Variants in SCFD2 observed in about 807,000 individuals in gnomAD.
SCFD2 encodes sec1 family domain-containing protein 2.
A neutral mutation model predicts 58.9 loss-of-function variants in SCFD2; 54 were observed. The ratio of observed to expected loss-of-function variants is 0.92; its 90% confidence interval spans 0.74 to 1.15. SCFD2 has a LOEUF of 1.15. SCFD2 is among the 50% of genes most tolerant of loss of function. The pLI, the probability that SCFD2 is intolerant of heterozygous loss-of-function variation, is 0.00. For synonymous variants in SCFD2, 321 were observed against 335.9 expected, an observed-to-expected ratio of 0.96 and a Z score of 0.49; for missense variants, 805 against 836.6, an observed-to-expected ratio of 0.96 and a Z score of 0.47.
chr4:53,222,161 T>A (rs1729065722), intron 4 of SCFD2, among the ~76,000 whole-genome samples: 1 of 152,206 alleles, frequency 6.6e-6, no homozygotes, highest in African/African-American at 2.4e-5. Flanking sequence ...CACCCTCACC[T>A]TTGTTTTTCT....
chr4:52,974,280 C>CA (rs1577872268), intron 5 of SCFD2, among the ~76,000 whole-genome samples: 1 of 152,156 alleles, frequency 6.6e-6, no homozygotes, highest in East Asian at 1.9e-4. Flanking sequence ...CCCATCGTCT[C>CA]AGCCCAAAAT....
rs141102450 is a variant in SCFD2 at position 52,994,720 on chromosome 4, G to T, written c.1562-73850C>A. 3.9e-3 allele frequency among the ~76,000 whole-genome samples: 593 copies of T among 152,288 alleles called. 3 individuals are homozygous for T. The highest frequency in any genetic ancestry group is 0.013 in the African/African-American group (559 of 41,552). On this transcript the variant is annotated intron_variant, in intron 5 of 8. Transcript: ENST00000401642. Reference sequence around the variant, plus strand: ...TTGTGAGACTCCACGCAGCAATTTAGACAGACACTGACATAGTTTCTGTCC... The same window carrying T: ...TTGTGAGACTCCACGCAGCAATTTATACAGACACTGACATAGTTTCTGTCC...
At chr4:53,104,304 C>A (rs999291486) in intron 5 of SCFD2, among the ~76,000 whole-genome samples, 1 of 152,148 alleles carries the variant, frequency 6.6e-6, no homozygotes, top group Non-Finnish European at 1.5e-5. Context: ...TGCAGTCTTT[C>A]TCCCCAAAAT....
intron 8 of SCFD2, among the ~76,000 whole-genome samples, chr4:52,883,633 G>A (rs1222342856): frequency 1.3e-5 from 2 of 152,162 alleles, no homozygotes; most frequent in East Asian, 1.9e-4. Flanking sequence ...TAACATGTCT[G>A]TCAGGCTATT....
chr4:52,977,691 G>A (rs1053261686), intron 5 of SCFD2, among the ~76,000 whole-genome samples: 1 of 152,168 alleles, frequency 6.6e-6, no homozygotes. Context: ...TCGTGCTCTA[G>A]TTATCAGGAA....
intron 4 of SCFD2, among the ~76,000 whole-genome samples, chr4:53,228,249 T>A (rs1729291187): frequency 6.6e-6 from 1 of 152,132 alleles, no homozygotes; most frequent in Non-Finnish European, 1.5e-5. Flanking sequence ...TTGTAAAGAC[T>A]TCAGGATGAT....
intron 5 of SCFD2, among the ~76,000 whole-genome samples, chr4:53,061,913 C>G (rs1242445180): frequency 6.6e-6 from 1 of 151,922 alleles, no homozygotes; most frequent in Non-Finnish European, 1.5e-5. Context: ...GTGATTTTTC[C>G]CAAGTCCACG....
At chr4:53,090,470 G>A (rs189743978) in intron 5 of SCFD2, among the ~76,000 whole-genome samples, 1 of 152,274 alleles carries the variant, frequency 6.6e-6, no homozygotes, top group Admixed American at 6.5e-5. Flanking sequence ...GGCAGTGATT[G>A]TATTCTTAGA....
At chr4:52,983,968 G>C (rs1417618858) in intron 5 of SCFD2, among the ~76,000 whole-genome samples, 6 of 152,176 alleles carry the variant, frequency 3.9e-5, no homozygotes, top group Non-Finnish European at 8.8e-5. Context: ...TTTCTGAAGA[G>C]AAAGCCTCAC....
chr4:53,191,436 T>C (rs945972473), intron 4 of SCFD2, among the ~76,000 whole-genome samples: 3 of 152,104 alleles, frequency 2.0e-5, no homozygotes, highest in Non-Finnish European at 4.4e-5. Context: ...AGATAGAGTC[T>C]CACTCTATCA....
chr4:52,985,931 A>C (rs886198602), intron 5 of SCFD2, among the ~76,000 whole-genome samples: 2 of 151,280 alleles, frequency 1.3e-5, no homozygotes, highest in African/African-American at 4.9e-5. Flanking sequence ...GTATATGGAC[A>C]TTTTTTTTTA....
chr4:52,946,452 TA>T (rs903519302), intron 5 of SCFD2, among the ~76,000 whole-genome samples: 73 of 149,948 alleles, frequency 4.9e-4, no homozygotes, highest in Middle Eastern at 3.4e-3. Context: ...CCTTTACTTC[TA>T]AAAAAAAAAT....
At chr4:53,299,582 AG>A (rs1459228689) in intron 3 of SCFD2, among the ~76,000 whole-genome samples, 2 of 151,880 alleles carry the variant, frequency 1.3e-5, no homozygotes, top group Non-Finnish European at 2.9e-5. Context: ...ATTCAAATTC[AG>A]GAAATACAGA....
chr4:52,984,481 C>G (rs889005414), intron 5 of SCFD2, among the ~76,000 whole-genome samples: 1 of 152,172 alleles, frequency 6.6e-6, no homozygotes, highest in Admixed American at 6.5e-5. Context: ...AGGTGACTGA[C>G]AGTGGAATCA....
intron 4 of SCFD2, among the ~76,000 whole-genome samples, chr4:53,181,860 T>C (rs1727570591): frequency 1.3e-5 from 2 of 151,484 alleles, no homozygotes; most frequent in Non-Finnish European, 3.0e-5. Context: ...TATACACCAA[T>C]AACAGACAGA....
intron 5 of SCFD2, among the ~76,000 whole-genome samples, chr4:52,940,264 C>T (rs1720257398): frequency 6.6e-6 from 1 of 152,158 alleles, no homozygotes; most frequent in Non-Finnish European, 1.5e-5. Flanking sequence ...TAAAACCCAG[C>T]CAAGGACCCC....
intron 5 of SCFD2, among the ~76,000 whole-genome samples, chr4:53,105,487 C>T (rs1218404527): frequency 2.0e-5 from 3 of 152,186 alleles, no homozygotes; most frequent in South Asian, 2.1e-4. Context: ...CTGGGACCCT[C>T]GACCTTGGTC....
At chr4:53,092,521 C>CTA (rs781576521) in intron 5 of SCFD2, among the ~76,000 whole-genome samples, 2,965 of 152,060 alleles carry the variant, frequency 0.019, 70 homozygotes, top group East Asian at 0.11. Flanking sequence ...ATTTTTAAAG[C>CTA]CCCCAAATTG....
chr4:53,191,419 T>A (rs1220789870), intron 4 of SCFD2, among the ~76,000 whole-genome samples: 2 of 152,156 alleles, frequency 1.3e-5, no homozygotes, highest in East Asian at 3.9e-4. Flanking sequence ...TGTTTTTTGT[T>A]TTTTTGAGAT....
Sources: allele counts gnomAD v4.1 joint callset (sites outside exome capture counted in the v4.1 genomes callset), GRCh38; gene constraint gnomAD v4.1.1; transcripts MANE v1.5; gene names NCBI Gene and HGNC (gene_info 2026-07-23, HGNC 2026-07-21).